Variants in RASGRP1 observed in about 807,000 individuals in gnomAD.
The protein encoded by RASGRP1 is RAS guanyl releasing protein 1.
Under a neutral mutation model 95.1 loss-of-function variants are expected in RASGRP1, and 37 were observed. The observed-to-expected ratio is 0.39, with a 90% CI of 0.30 to 0.51. The LOEUF (loss-of-function observed/expected upper bound fraction) is 0.51. RASGRP1 is among the 20% of genes least tolerant of loss of function. The probability of loss-of-function intolerance (pLI) is 0.80; values close to 1 mark genes in which losing one functional copy is unlikely to be tolerated. For synonymous variants in RASGRP1, 325 were observed against 353.4 expected (o/e 0.92, Z 0.90); for missense variants, 711 against 965.4 (o/e 0.74, Z 3.49).
chr15:38,515,787 C>CCG (rs1555401536), intron 6 of RASGRP1, among the ~76,000 whole-genome samples: 20 of 146,748 alleles, frequency 1.4e-4, no homozygotes, highest in African/African-American at 3.6e-4. Context: ...CACCCCCCCC[C>CCG]CTTTTTTTTT....
rs71418810 is a variant in RASGRP1, at chr15:38,493,179, CTT to C, written c.2259+1201_2259+1202del. Reference sequence around the variant, plus strand: ...ACAGGCGTGAGCCACCACGCCGGGCCTTTTTTTTTTTTTTTTTTTTTTAAGAT... The same window carrying C: ...ACAGGCGTGAGCCACCACGCCGGGCCTTTTTTTTTTTTTTTTTTTTAAGAT... On this transcript the variant is annotated intron_variant, in intron 16 of 16. Coordinates refer to ENST00000310803, the MANE Select transcript of RASGRP1 (RefSeq NM_005739.4). 2.5e-3 allele frequency among the ~76,000 whole-genome samples: 262 copies of C among 104,504 alleles called. 1 individual carries two copies. The highest frequency in any genetic ancestry group is 0.012 in the East Asian group (50 of 4,004). 68.6% of individuals were successfully genotyped at this position (104,504 alleles called of 152,430 possible).
intron 15 of RASGRP1, among the ~76,000 whole-genome samples, chr15:38,497,171 G>A (rs1382851144): frequency 6.6e-6 from 1 of 152,132 alleles, no homozygotes; most frequent in African/African-American, 2.4e-5. Flanking sequence ...GTTAGTCAAG[G>A]TGATCAGTGT....
chr15:38,550,242 C>CAAAAA (rs56383365), intron 2 of RASGRP1, among the ~76,000 whole-genome samples: 33 of 88,570 alleles, frequency 3.7e-4, no homozygotes, highest in Middle Eastern at 6.0e-3. Flanking sequence ...ACTCTGTCGC[C>CAAAAA]AAAAAAAAAA....
intron 7 of RASGRP1, among the ~76,000 whole-genome samples, chr15:38,512,133 T>C (rs1374832749): frequency 6.6e-6 from 1 of 152,214 alleles, no homozygotes; most frequent in African/African-American, 2.4e-5. Context: ...CTGTTGACTT[T>C]GAGAAACACT....
At chr15:38,529,984 G>A (rs1595862859) in intron 2 of RASGRP1, among the ~76,000 whole-genome samples, 1 of 152,276 alleles carries the variant, frequency 6.6e-6, no homozygotes, top group Non-Finnish European at 1.5e-5. Flanking sequence ...CTTGTACTCT[G>A]TCCAGGTAGG....
rs74009816 is a variant in RASGRP1 at position 38,502,758 on chromosome 15, A to T, written c.1429-337T>A. 9.0e-3 allele frequency: 2,254 copies of T among 250,322 alleles called. 52 individuals carry two copies. The highest frequency in any genetic ancestry group is 0.047 in the African/African-American group (2,069 of 44,464). 15.5% of individuals were successfully genotyped at this position (250,322 alleles called of 1,614,324 possible). ...CTCAGCTCCAGTTGTACCTTCTTTG[A>T]GAAGCTTCTACAAACAGCCCAGTTG... On this transcript the variant is annotated intron_variant, in intron 11 of 16. Transcript: ENST00000310803.
Position 38,532,765 on chromosome 15 carries a change from C to T in RASGRP1, c.221-6361G>A, listed in dbSNP as rs1248583831. 2.0e-5 allele frequency among the ~76,000 whole-genome samples: 3 copies of T among 152,152 alleles called. No homozygotes were observed. In the East Asian group the frequency reaches 5.8e-4, roughly 29 times the overall value. On this transcript the variant is annotated intron_variant, in intron 2 of 16. Coordinates refer to ENST00000310803, the MANE Select transcript of RASGRP1 (RefSeq NM_005739.4). ...CTAACCAACATTGATAATGAATCTA[C>T]CCTATGGAAAGCACTGTCCTAGGTA... is the stretch of plus-strand genomic sequence containing the variant.
In RASGRP1 at chr15:38,507,830, C is replaced by T. The variant is rs1458618688; in HGVS notation, c.1138G>A (p.Val380Ile). 8 of 1,613,354 alleles carry T rather than the reference C, an allele frequency of 5.0e-6. No individual in the cohort carries two copies. The highest frequency in any genetic ancestry group is 3.3e-5 in the South Asian group (3 of 90,822). ...PDYLEDGKVN[V>I]HKLLALYNHI... ...TTGTATAGGGCCAGTAGCTTATGGA[C>T]GTTCACTTTCCCGTCCTCCAGATAG... is the stretch of plus-strand genomic sequence containing the variant. The change falls in exon 9 of 17, where the codon GTC becomes ATC. Residue 380 changes from valine to isoleucine, a missense_variant. Val to Ile is a conservative substitution (Grantham distance 29, BLOSUM62 3). Coordinates refer to ENST00000310803, the MANE Select transcript of RASGRP1 (RefSeq NM_005739.4).
chr15:38,564,527 C>T, intron 1 of RASGRP1, 67 bp downstream of exon 1: 4 of 1,284,168 alleles, frequency 3.1e-6, no homozygotes, highest in Admixed American at 3.8e-5. Context: ...GTTGGGGCGA[C>T]GGGCAGGGGC....
chr15:38,529,686 A>G (rs1426213051), intron 2 of RASGRP1, among the ~76,000 whole-genome samples: 2 of 152,184 alleles, frequency 1.3e-5, no homozygotes, highest in Non-Finnish European at 2.9e-5. Flanking sequence ...TTCCACAACT[A>G]TATTTCCAGG....
rs145697654 is a variant in RASGRP1, at chr15:38,528,655, C to T, written c.221-2251G>A. 4.8e-3 allele frequency among the ~76,000 whole-genome samples: 725 copies of T among 152,168 alleles called. 8 individuals carry two copies. The highest frequency in any genetic ancestry group is 0.016 in the African/African-American group (684 of 41,528). On this transcript the variant is annotated intron_variant, in intron 2 of 16. Coordinates refer to ENST00000310803, the MANE Select transcript of RASGRP1 (RefSeq NM_005739.4). ...AGCATGCTCTGTGGTTGAGTCCTCCCGCTTTTTCTTTTATTTATTTTTTGA... is the reference window on the plus strand; with the variant it reads ...AGCATGCTCTGTGGTTGAGTCCTCCTGCTTTTTCTTTTATTTATTTTTTGA...
chr15:38,490,556 A>T lies in RASGRP1; in HGVS notation c.2392T>A (p.Ter798LysextTer4), dbSNP rs776814722. Residue 798 changes from the stop codon to lysine (K), a stop_lost, in exon 17 of 17, where the codon TAG becomes AAG. Coordinates refer to ENST00000310803, the MANE Select transcript of RASGRP1 (RefSeq NM_005739.4). The part of the protein sequence containing the change: ...LAQMEQGDCS[*>K] ...GATTGTGCTACTTAGTTTCTGGGCT[A>T]AGAACAGTCACCCTGCTCCATTTGA... is the stretch of plus-strand genomic sequence containing the variant. 6 of 1,612,348 alleles carry T rather than the reference A, an allele frequency of 3.7e-6. No homozygotes were observed. The Admixed American group carries it at 1.0e-4, about 27-fold the overall frequency.
At chr15:38,540,764 T>C (rs1434480161) in intron 2 of RASGRP1, among the ~76,000 whole-genome samples, 1 of 152,198 alleles carries the variant, frequency 6.6e-6, no homozygotes, top group Non-Finnish European at 1.5e-5. Context: ...CATTGTGCAA[T>C]AGAACAAGGT....
At chr15:38,505,258 A>C (rs1257066126) in intron 10 of RASGRP1, among the ~76,000 whole-genome samples, 1 of 152,198 alleles carries the variant, frequency 6.6e-6, no homozygotes, top group East Asian at 1.9e-4. Flanking sequence ...TGAAGTTCCT[A>C]CTGCAGGCAG....
chr15:38,529,604 T>C (rs1034808607), intron 2 of RASGRP1, among the ~76,000 whole-genome samples: 1 of 152,206 alleles, frequency 6.6e-6, no homozygotes, highest in African/African-American at 2.4e-5. Flanking sequence ...ATCTGCTTTA[T>C]TTATTTAATT....
In RASGRP1 at chr15:38,488,869, G is replaced by A. The variant is rs1302936029; in HGVS notation, c.*1685C>T. Reference sequence around the variant, plus strand: ...TTTATATGCCAGGTAGTGGGCTTAAGCAGGCCTGCTTTGGGTATTTCTGAG... The same window carrying A: ...TTTATATGCCAGGTAGTGGGCTTAAACAGGCCTGCTTTGGGTATTTCTGAG... On this transcript the variant is annotated 3_prime_UTR_variant, in exon 17 of 17. Transcript: ENST00000310803. 1 of 151,980 alleles carries A rather than the reference G, an allele frequency of 6.6e-6. No homozygotes were observed. Among genetic ancestry groups the A allele is most frequent in the East Asian group, 1.9e-4 (1 of 5,198 alleles). 9.4% of individuals were successfully genotyped at this position (151,980 alleles called of 1,614,324 possible).
chr15:38,502,677 TC>T (rs1195281464), intron 11 of RASGRP1, among the ~76,000 whole-genome samples: 1 of 152,178 alleles, frequency 6.6e-6, no homozygotes, highest in Non-Finnish European at 1.5e-5. Context: ...CGCTGGCTAC[TC>T]CTAGTTCACT....
At chr15:38,511,287 C>G (rs796085571) in intron 8 of RASGRP1, among the ~76,000 whole-genome samples, 1 of 152,126 alleles carries the variant, frequency 6.6e-6, no homozygotes, top group Non-Finnish European at 1.5e-5. Context: ...GGAGCTGGAG[C>G]GAGGGAATCA....
At chr15:38,547,117 T>G (rs533835740) in intron 2 of RASGRP1, among the ~76,000 whole-genome samples, 1 of 152,238 alleles carries the variant, frequency 6.6e-6, no homozygotes, top group Non-Finnish European at 1.5e-5. Flanking sequence ...CATATCTACA[T>G]GTATACACTT....
Sources: allele counts gnomAD v4.1 joint callset (sites outside exome capture counted in the v4.1 genomes callset), GRCh38; gene constraint gnomAD v4.1.1; transcripts MANE v1.5; gene names NCBI Gene and HGNC (gene_info 2026-07-23, HGNC 2026-07-21).